The following ANK1 variants were observed in gnomAD, a reference collection of about 807,000 sequenced individuals.
ANK1 encodes the protein ankyrin-1.
ANK1 carries 51 observed loss-of-function variants against 210.4 expected under a neutral mutation model. The observed-to-expected ratio is 0.24, with a 90% CI of 0.19 to 0.31. ANK1 has a LOEUF of 0.31. Ranked by LOEUF, ANK1 falls within the 10% of genes least tolerant of loss-of-function variation. The pLI is 1.00. For synonymous variants in ANK1, 967 were observed against 1,025.9 expected (o/e 0.94, Z 1.10); for missense variants, 2,051 against 2,504.4 (o/e 0.82, Z 3.86).
At chr8:41,797,627 G>T, upstream of ANK1, 1 of 1,588,980 alleles carries the variant, frequency 6.3e-7, no homozygotes, top group Non-Finnish European at 8.6e-7. This position sits in a 1 kb window ranked among gnomAD's most constrained non-coding sequence, Gnocchi z 4.0. Context: ...GCCTCTGCGG[G>T]GCCTGTGACG....
chr8:41,804,198 T>C (rs13272350), intron 1 of ANK1, among the ~76,000 whole-genome samples: 66,797 of 151,938 alleles, frequency 0.44, 15,166 homozygotes, highest in African/African-American at 0.5. Context: ...GATCCTCAGA[T>C]GGCTGCTGGC....
intron 1 of ANK1, among the ~76,000 whole-genome samples, chr8:41,843,721 A>C (rs957836363): frequency 6.6e-6 from 1 of 152,190 alleles, no homozygotes; most frequent in Non-Finnish European, 1.5e-5. Flanking sequence ...TCTGCCAGAG[A>C]GCAGCTCTCT....
At chr8:41,739,220 A>T (rs900595247) in intron 2 of ANK1, among the ~76,000 whole-genome samples, 1 of 151,744 alleles carries the variant, frequency 6.6e-6, no homozygotes, top group African/African-American at 2.4e-5. Context: ...AAGTTCTTTA[A>T]TTCTCTCCTC....
chr8:41,670,426 A>G (rs1811899442), intron 38 of ANK1, among the ~76,000 whole-genome samples: 1 of 152,100 alleles, frequency 6.6e-6, no homozygotes, highest in Admixed American at 6.5e-5. Context: ...GCGGTAATGC[A>G]GGGGCCAGCA....
In ANK1 at chr8:41,723,563, C is replaced by T. The variant is rs781092462; in HGVS notation, c.782G>A (p.Arg261Gln). The T allele has an allele frequency of 6.2e-6, 10 of 1,613,922 alleles. No individual in the cohort carries two copies. The highest frequency in any genetic ancestry group is 2.2e-5 in the East Asian group (1 of 44,864). ...NVIMVRLLLDRGAQIETKTKD... is the reference protein window; with the variant it reads ...NVIMVRLLLDQGAQIETKTKD... ...GGTCTTGGTTTCTATCTGGGCTCCC[C>T]GATCCAGCAGCAGCCGCACCATGAT... Residue 261 changes from arginine to glutamine, a missense_variant, in exon 8 of 43, where the codon CGG becomes CAG. By Grantham distance (43) the Arg-to-Gln change is conservative (BLOSUM62 1). This residue lies in a region of ANK1 where 1,413 missense variants were observed against 1,707.4 expected (regional missense o/e 0.83). Transcript: ENST00000289734.
chr8:41,737,175 T>C (rs1239357245), intron 2 of ANK1, among the ~76,000 whole-genome samples: 1 of 152,096 alleles, frequency 6.6e-6, no homozygotes, highest in Non-Finnish European at 1.5e-5. Context: ...GACACGCGTC[T>C]GTAGTCCCAG....
intron 6 of ANK1, among the ~76,000 whole-genome samples, chr8:41,725,414 C>T (rs1342488252): frequency 1.3e-5 from 2 of 152,146 alleles, no homozygotes; most frequent in Non-Finnish European, 2.9e-5. Context: ...CACGCCTCCT[C>T]CCTCCACTAC....
intron 1 of ANK1, among the ~76,000 whole-genome samples, chr8:41,790,673 T>C (rs534324382): frequency 6.6e-6 from 1 of 152,158 alleles, no homozygotes; most frequent in Non-Finnish European, 1.5e-5. Context: ...GAGATCCTAT[T>C]ATACAGCTTT....
intron 6 of ANK1, 102 bp downstream of exon 6, chr8:41,725,659 C>A: frequency 6.7e-7 from 1 of 1,488,716 alleles, no homozygotes; most frequent in African/African-American, 1.4e-5. Context: ...GCCCGCCCTG[C>A]ACGCTCGGTT....
chr8:41,865,140 G>A (rs1289795534), intron 1 of ANK1, among the ~76,000 whole-genome samples: 2 of 152,200 alleles, frequency 1.3e-5, no homozygotes, highest in East Asian at 1.9e-4. Flanking sequence ...AGGGCTCCAA[G>A]AGCTTGGGGT....
chr8:41,721,656 CAAAA>C (rs55653901), intron 9 of ANK1, among the ~76,000 whole-genome samples: 1 of 108,130 alleles, frequency 9.2e-6, no homozygotes, highest in Non-Finnish European at 1.9e-5. Context: ...GACTTCATCT[CAAAA>C]AAAAAAAAAA....
intron 31 of ANK1, 140 bp from the exon 32 acceptor site, chr8:41,690,739 G>A: frequency 7.2e-7 from 1 of 1,385,220 alleles, no homozygotes; most frequent in South Asian, 1.2e-5. Context: ...GAAATCCACT[G>A]TTTGTTTTGG....
At position 41,694,875 on chromosome 8, in the gene ANK1, G is replaced by C; in HGVS notation, c.3116-72C>G. On this transcript the variant is annotated intron_variant, in intron 27 of 42. Transcript: ENST00000289734. The surrounding 1 kb of genome is among the most constrained non-coding windows in gnomAD (Gnocchi z 5.7). Reference sequence around the variant, plus strand: ...GTTCAGGACTTCCAGGGGCCCCAGAGTCTCCTTGTCCCCAAGACCCAGTGC... The same window carrying C: ...GTTCAGGACTTCCAGGGGCCCCAGACTCTCCTTGTCCCCAAGACCCAGTGC... 6.7e-7 allele frequency: 1 copy of C among 1,495,672 alleles called. No homozygotes were observed. The highest frequency in any genetic ancestry group is 9.2e-7 in the Non-Finnish European group (1 of 1,084,430). The allele number at this position is 1,495,672 out of a possible 1,614,324, so 92.7% of individuals were successfully genotyped here. A position where few individuals can be genotyped will look rare whatever the true frequency, so the allele number is the denominator to read the frequency against.
intron 42 of ANK1, among the ~76,000 whole-genome samples, chr8:41,658,627 T>C (rs1806601107): frequency 6.6e-6 from 1 of 152,180 alleles, no homozygotes; most frequent in Non-Finnish European, 1.5e-5. Context: ...GCACAGTGGC[T>C]CATGCCTGTA....
At position 41,787,823 on chromosome 8, in the gene ANK1, AAG is replaced by A. The variant is rs559552913; in HGVS notation, c.27+9687_27+9688del. Among the ~76,000 whole-genome samples the A allele has an allele frequency of 2.2e-4, 34 of 152,144 alleles. No homozygotes were observed. In the South Asian group the frequency reaches 6.9e-3, roughly 31 times the overall value. Reference sequence around the variant, plus strand: ...AGACCCTGTCTCAAAAGGAAGAAGAAAGAAGGCAGGCAGGCAGGAAGGAAGGA... The same window carrying A: ...AGACCCTGTCTCAAAAGGAAGAAGAAAAGGCAGGCAGGCAGGAAGGAAGGA... On this transcript the variant is annotated intron_variant, in intron 1 of 42. Coordinates refer to ENST00000289734, the MANE Select transcript of ANK1 (RefSeq NM_000037.4).
chr8:41,711,050 G>A (rs772783816), intron 16 of ANK1, among the ~76,000 whole-genome samples: 3 of 152,098 alleles, frequency 2.0e-5, no homozygotes, highest in Non-Finnish European at 2.9e-5. Context: ...ATTGTTCTTC[G>A]TAGGTTGTGT....
chr8:41,798,552 G>A (rs1333732966), upstream of ANK1, among the ~76,000 whole-genome samples: 5 of 152,192 alleles, frequency 3.3e-5, no homozygotes, highest in African/African-American at 1.2e-4. Flanking sequence ...ACGTCCGCCC[G>A]TCCAACAACG....
chr8:41,727,376 C>T (rs371038590), intron 4 of ANK1, 28 bp from the exon 5 acceptor site: 152 of 1,530,476 alleles, frequency 9.9e-5, no homozygotes, highest in Non-Finnish European at 1.3e-4. Context: ...ACATCATTAG[C>T]ATCCACCCGC....
chr8:41,813,947 A>G (rs758354837), intron 1 of ANK1, among the ~76,000 whole-genome samples: 3 of 152,272 alleles, frequency 2.0e-5, no homozygotes, highest in South Asian at 2.1e-4. Context: ...GTTGTCTGGC[A>G]TATTATAAAA....
Sources: gnomAD v4.1 joint callset for allele counts (sites outside exome capture counted in the v4.1 genomes callset) on GRCh38, gnomAD v4.1.1 for gene constraint, gnomAD v4.1.1 regional missense constraint, Gnocchi (gnomAD v3.1) non-coding constraint, MANE v1.5 for transcripts, NCBI Gene and HGNC (gene_info 2026-07-23, HGNC 2026-07-21) for gene names.